KLF15: variants seen among roughly 807,000 people sequenced by gnomAD.
The protein encoded by KLF15 is KLF transcription factor 15.
Under a neutral mutation model 24.6 loss-of-function variants are expected in KLF15, and 4 were observed. That is an observed-to-expected ratio of 0.16 (90% CI 0.08 to 0.37). The LOEUF (loss-of-function observed/expected upper bound fraction) is 0.37, where lower values mean the gene tolerates loss of function less well. Among genes scored for constraint, KLF15 ranks in the 10% least tolerant of loss-of-function variants. KLF15 has a pLI of 1.00. For missense variants in KLF15, 496 were observed against 560.6 expected, an observed-to-expected ratio of 0.88 and a Z score of 1.16; for synonymous variants, 246 against 236.3, an observed-to-expected ratio of 1.04 and a Z score of -0.37.
At chr3:126,353,937 C>G (rs371323593) in intron 1 of KLF15, 19 of 152,516 alleles carry the variant, frequency 1.2e-4, no homozygotes, top group African/African-American at 4.6e-4. Context: ...ACCACCCCCC[C>G]AGCCCATCCT....
downstream of KLF15, among the ~76,000 whole-genome samples, chr3:126,342,200 C>T (rs1197856307): frequency 6.6e-6 from 1 of 152,218 alleles, no homozygotes; most frequent in Non-Finnish European, 1.5e-5. Flanking sequence ...GGAAATGGCA[C>T]AGCCACGTTC....
the KLF15 span, among the ~76,000 whole-genome samples, chr3:126,289,882 G>A: frequency 6.6e-6 from 1 of 152,122 alleles, no homozygotes; most frequent in African/African-American, 2.4e-5. Flanking sequence ...AGATGATTTC[G>A]AGGGCTTCAG....
chr3:126,310,942 C>T, the KLF15 span, among the ~76,000 whole-genome samples: 6 of 152,300 alleles, frequency 3.9e-5, no homozygotes, highest in Non-Finnish European at 7.3e-5. Flanking sequence ...TGCTCTCTCT[C>T]ACCTGCTCAG....
rs1292592990 is a variant in KLF15 at position 126,352,600 on chromosome 3, C to A, written c.323G>T (p.Trp108Leu). The A allele has an allele frequency of 6.2e-7, 1 of 1,610,528 alleles. No homozygotes were observed. Among genetic ancestry groups the A allele is most frequent in the Non-Finnish European group, 8.5e-7 (1 of 1,179,170 alleles). ...ASSGPVAWGPWRRAAAPVKGE... is the reference protein window; with the variant it reads ...ASSGPVAWGPLRRAAAPVKGE... ...CTTCACAGGGGCCGCTGCCCTTCGC[C>A]AGGGCCCCCAGGCCACGGGGCCACT... is the stretch of plus-strand genomic sequence containing the variant. Residue 108 changes from tryptophan (W) to leucine (L), a missense_variant, in exon 2 of 3, where the codon TGG becomes TTG. Trp to Leu is a moderately conservative substitution (Grantham distance 61). This residue lies in a region of KLF15 where 399 missense variants were observed against 423.1 expected (regional missense o/e 0.94). Coordinates refer to ENST00000296233, the MANE Select transcript of KLF15 (RefSeq NM_014079.4).
chr3:126,338,497 T>G (rs1241765702), downstream of KLF15, among the ~76,000 whole-genome samples: 1 of 152,216 alleles, frequency 6.6e-6, no homozygotes. Flanking sequence ...CAATGTCTTT[T>G]CTTCATTTCA....
Position 126,352,465 on chromosome 3 carries a change from T to C in KLF15, c.458A>G (p.Glu153Gly), listed in dbSNP as rs1434122428. The stretch of plus-strand genomic sequence containing the variant: ...CTCAGGGACCTCCTTGACTCCAGGC[T>C]CCATGTTCTCCTCCAGAAACTCTTC... ...EIEEFLEENM[E>G]PGVKEVPEGN... The change falls in exon 2 of 3, where the codon GAG becomes GGG. Residue 153 changes from glutamate (E) to glycine (G), a missense_variant. Glu to Gly is a moderately conservative substitution (Grantham distance 98, BLOSUM62 -2). Around this residue, in one of 3 missense-constraint regions of KLF15, gnomAD observed 399 missense variants for 423.1 expected, o/e 0.94. Coordinates refer to ENST00000296233, the MANE Select transcript of KLF15 (RefSeq NM_014079.4). 6.2e-7 allele frequency: 1 copy of C among 1,613,526 alleles called. No homozygotes were observed. The highest frequency in any genetic ancestry group is 1.1e-5 in the South Asian group (1 of 91,084).
rs1486673835 is a variant in KLF15 at position 126,356,513 on chromosome 3, A to G, written c.-26+724T>C. Reference sequence around the variant, plus strand: ...CCTCGGTCAGGCCATGGCTTTGGTAATGTTCGGTCTGAGCGGACGGGGACT... The same window carrying G: ...CCTCGGTCAGGCCATGGCTTTGGTAGTGTTCGGTCTGAGCGGACGGGGACT... On this transcript the variant is annotated intron_variant, in intron 1 of 2. Transcript: ENST00000296233. This position sits in a 1 kb window ranked among gnomAD's most constrained non-coding sequence, Gnocchi z 4.4. 6.6e-6 allele frequency among the ~76,000 whole-genome samples: 1 copy of G among 151,934 alleles called. No homozygotes were observed. The highest frequency in any genetic ancestry group is 6.5e-5 in the Admixed American group (1 of 15,280).
At chr3:126,304,872 T>C in the KLF15 span, among the ~76,000 whole-genome samples, 1 of 152,242 alleles carries the variant, frequency 6.6e-6, no homozygotes, top group Non-Finnish European at 1.5e-5. Flanking sequence ...TGTAAACCTT[T>C]TAATGTTTAC....
chr3:126,299,039 C>CT, the KLF15 span, among the ~76,000 whole-genome samples: 1 of 152,116 alleles, frequency 6.6e-6, no homozygotes, highest in Non-Finnish European at 1.5e-5. Flanking sequence ...TGCATTAAAT[C>CT]TGTAGATTGC....
rs2082634128 is a variant in KLF15, at chr3:126,356,622, G to A, written c.-26+615C>T. Among the ~76,000 whole-genome samples the A allele has an allele frequency of 6.6e-6, 1 of 152,128 alleles. No homozygotes were observed. Among genetic ancestry groups the A allele is most frequent in the South Asian group, 2.1e-4 (1 of 4,824 alleles). On this transcript the variant is annotated intron_variant, in intron 1 of 2. Transcript: ENST00000296233. This position sits in a 1 kb window ranked among gnomAD's most constrained non-coding sequence, Gnocchi z 4.4. ...TCGTGTGACTGCGTGTGCGGGGCGT[G>A]GTGCGCGGCAGCCGCTGTGGCTGTG... is the stretch of plus-strand genomic sequence containing the variant.
downstream of KLF15, among the ~76,000 whole-genome samples, chr3:126,341,266 C>T (rs1195833248): frequency 6.6e-6 from 1 of 152,186 alleles, no homozygotes; most frequent in Non-Finnish European, 1.5e-5. Flanking sequence ...ACACTCCCTG[C>T]CACAAGACAA....
At chr3:126,341,596 G>C (rs1454595972), downstream of KLF15, among the ~76,000 whole-genome samples, 2 of 152,182 alleles carry the variant, frequency 1.3e-5, no homozygotes, top group African/African-American at 2.4e-5. Context: ...ACCATGGCCA[G>C]TCAGGATAGG....
At chr3:126,308,515 C>G in the KLF15 span, among the ~76,000 whole-genome samples, 8 of 152,192 alleles carry the variant, frequency 5.3e-5, no homozygotes, top group Non-Finnish European at 1.2e-4. Flanking sequence ...AGTGCTGACA[C>G]AGAGCTGAGG....
the KLF15 span, among the ~76,000 whole-genome samples, chr3:126,301,714 A>C: frequency 3.3e-5 from 5 of 149,514 alleles, no homozygotes; most frequent in East Asian, 9.9e-4. Context: ...CCCGGGGTTC[A>C]AGCAATTCTC....
chr3:126,313,364 C>T, the KLF15 span, among the ~76,000 whole-genome samples: 11 of 152,314 alleles, frequency 7.2e-5, no homozygotes, highest in Non-Finnish European at 8.8e-5. Context: ...CATTCTGTTA[C>T]GCAGCCTCAG....
the KLF15 span, among the ~76,000 whole-genome samples, chr3:126,292,137 G>A: frequency 6.6e-6 from 1 of 152,208 alleles, no homozygotes; most frequent in African/African-American, 2.4e-5. Context: ...TTCCCAGGAT[G>A]TGGAGCAGAT....
chr3:126,352,376 G>A lies in KLF15; in HGVS notation c.547C>T (p.His183Tyr), dbSNP rs761311949. The change falls in exon 2 of 3, where the codon CAT becomes TAT. Residue 183 changes from histidine to tyrosine, a missense_variant. His to Tyr is a moderately conservative substitution (Grantham distance 83, BLOSUM62 2). Around this residue, in one of 3 missense-constraint regions of KLF15, gnomAD observed 399 missense variants for 423.1 expected, o/e 0.94. Coordinates refer to ENST00000296233, the MANE Select transcript of KLF15 (RefSeq NM_014079.4). ...LSAGPHKSHL[H>Y]PGSSGRERCS... ...CGCTCTCTCCCGCTGGACCCAGGAT[G>A]GAGGTGGCTCTTGTGTGGCCCAGCT... 1.6e-5 allele frequency: 25 copies of A among 1,611,404 alleles called. No individual in the cohort carries two copies. The African/African-American group carries it at 3.2e-4, about 21-fold the overall frequency.
chr3:126,342,602 A>C (rs536555596), downstream of KLF15: 1 of 152,728 alleles, frequency 6.5e-6, no homozygotes, highest in South Asian at 2.1e-4. Flanking sequence ...ACATCCCGGC[A>C]AAGCAGGAAA....
At chr3:126,332,141 G>C in the KLF15 span, among the ~76,000 whole-genome samples, 1 of 152,220 alleles carries the variant, frequency 6.6e-6, no homozygotes, top group South Asian at 2.1e-4. Context: ...CAAAAAGACA[G>C]CAGTAACCTC....
Sources: allele counts gnomAD v4.1 joint callset (sites outside exome capture counted in the v4.1 genomes callset), GRCh38; gene constraint gnomAD v4.1.1; regional missense constraint gnomAD v4.1.1; non-coding constraint Gnocchi (gnomAD v3.1); transcripts MANE v1.5; gene names NCBI Gene and HGNC (gene_info 2026-07-23, HGNC 2026-07-21).